Variants in SAMMSON observed in about 807,000 individuals in gnomAD.
The protein encoded by SAMMSON is survival associated mitochondrial melanoma specific oncogenic non-coding RNA, also known as long intergenic non-protein coding RNA 1212.
intron 7 of SAMMSON, among the ~76,000 whole-genome samples, chr3:70,332,468 A>G (rs1279521615): frequency 2.0e-5 from 3 of 152,150 alleles, no homozygotes; most frequent in Non-Finnish European, 4.4e-5. Context: ...TCCAAGTGTC[A>G]TCTCAGAACC....
At chr3:70,031,851 C>T (rs967014245) in intron 3 of SAMMSON, among the ~76,000 whole-genome samples, 69 of 152,178 alleles carry the variant, frequency 4.5e-4, no homozygotes, top group African/African-American at 1.5e-3. Flanking sequence ...AGAATAAATA[C>T]AGCCATCAGC....
chr3:70,203,559 T>A (rs1701261300), intron 4 of SAMMSON, among the ~76,000 whole-genome samples: 1 of 152,080 alleles, frequency 6.6e-6, no homozygotes, highest in Admixed American at 6.5e-5. Flanking sequence ...AATTTGGGCT[T>A]ATGTTTTTTT....
chr3:70,379,397 T>G (rs1703046019), intron 9 of SAMMSON, among the ~76,000 whole-genome samples: 1 of 152,188 alleles, frequency 6.6e-6, no homozygotes. Context: ...TGGAGTTTAG[T>G]GTGCAGAATG....
At chr3:70,203,845 T>G (rs1243451266) in intron 4 of SAMMSON, among the ~76,000 whole-genome samples, 1 of 152,260 alleles carries the variant, frequency 6.6e-6, no homozygotes, top group East Asian at 1.9e-4. Flanking sequence ...TATTTCTGAC[T>G]TTCTTATCCA....
intron 6 of SAMMSON, among the ~76,000 whole-genome samples, chr3:70,283,224 A>C (rs1335326526): frequency 2.0e-5 from 3 of 152,138 alleles, no homozygotes; most frequent in Non-Finnish European, 4.4e-5. Flanking sequence ...GAATGAAGAC[A>C]CTGAAATAGA....
intron 2 of SAMMSON, among the ~76,000 whole-genome samples, chr3:70,426,276 A>G (rs530190275): frequency 6.6e-6 from 1 of 152,348 alleles, no homozygotes; most frequent in East Asian, 1.9e-4. Context: ...GACAGCTTGA[A>G]TGAAGTTCCT....
In SAMMSON at chr3:70,108,423, C is replaced by CTTTTTTTTTTTTTTTTTTTTTT. The variant is rs61561713; in HGVS notation, n.507+36876_507+36877insTTTTTTTTTTTTTTTTTTTTTT. 4.3e-3 allele frequency among the ~76,000 whole-genome samples: 385 copies of CTTTTTTTTTTTTTTTTTTTTTT among 89,256 alleles called. 64 individuals carry two copies. Among genetic ancestry groups the CTTTTTTTTTTTTTTTTTTTTTT allele is most frequent in the Middle Eastern group, 0.016 (2 of 126 alleles). 58.6% of individuals were successfully genotyped at this position (89,256 alleles called of 152,430 possible). ...TAGTGTTTCTCAACTCTTGCGGTTC[C>CTTTTTTTTTTTTTTTTTTTTTT]TTTTTTTTTTTTTTTTTTATCATAA... On this transcript the variant is annotated intron_variant and non_coding_transcript_variant, in intron 4 of 9. Transcript: ENST00000642114.
At chr3:70,414,064 T>G (rs1701243394) in intron 2 of SAMMSON, among the ~76,000 whole-genome samples, 1 of 152,116 alleles carries the variant, frequency 6.6e-6, no homozygotes, top group African/African-American at 2.4e-5. Context: ...TAATTATTGA[T>G]ACCTGTCCTA....
rs557837302 is a variant in SAMMSON at position 70,300,464 on chromosome 3, CAGAT to C, written n.739+9225_739+9228del. Among the ~76,000 whole-genome samples the C allele has an allele frequency of 1.4e-3, 210 of 151,998 alleles. 1 individual carries two copies. The highest frequency in any genetic ancestry group is 4.9e-3 in the African/African-American group (203 of 41,478). On this transcript the variant is annotated intron_variant and non_coding_transcript_variant, in intron 7 of 9. Coordinates refer to ENST00000642114, the Ensembl canonical transcript of SAMMSON. Reference sequence around the variant, plus strand: ...AAATATAGTTAGAAGGGCATAGAGACAGATAGAGTTAGATATGTGTATTTTTCCA... The same window carrying C: ...AAATATAGTTAGAAGGGCATAGAGACAGAGTTAGATATGTGTATTTTTCCA...
At chr3:70,417,653 G>C (rs1026604421) in intron 2 of SAMMSON, among the ~76,000 whole-genome samples, 60 of 152,114 alleles carry the variant, frequency 3.9e-4, no homozygotes, top group African/African-American at 1.3e-3. Context: ...CTTTCTCTGA[G>C]TTAGCTTCCT....
chr3:70,405,293 A>G (rs1575642573), intron 2 of SAMMSON, among the ~76,000 whole-genome samples: 1 of 152,234 alleles, frequency 6.6e-6, no homozygotes, highest in South Asian at 2.1e-4. Context: ...AAAAAATAAA[A>G]TAAAATAAAT....
chr3:70,270,031 A>C (rs1701958886), intron 6 of SAMMSON, among the ~76,000 whole-genome samples: 2 of 152,212 alleles, frequency 1.3e-5, no homozygotes, highest in African/African-American at 4.8e-5. Flanking sequence ...GTGATAAATA[A>C]ATCCATGAGT....
In SAMMSON at chr3:70,079,673, A is replaced by G. The variant is rs191884014; in HGVS notation, n.507+8108A>G. On this transcript the variant is annotated intron_variant and non_coding_transcript_variant, in intron 4 of 9. Coordinates refer to ENST00000642114, the Ensembl canonical transcript of SAMMSON. ...CACTTAAGGTGGATTAGGATAGGCT[A>G]TGATGTTTGGTAGGTTAGGCATATT... 3.6e-4 allele frequency among the ~76,000 whole-genome samples: 55 copies of G among 152,282 alleles called. 1 individual carries two copies. The highest frequency in any genetic ancestry group is 1.3e-3 in the African/African-American group (52 of 41,570).
intron 9 of SAMMSON, among the ~76,000 whole-genome samples, chr3:70,388,394 C>A (rs949104282): frequency 6.6e-6 from 1 of 151,934 alleles, no homozygotes; most frequent in African/African-American, 2.4e-5. Context: ...GTTTTCCAAC[C>A]CTTCTCTAAA....
chr3:70,201,666 G>GT (rs1701240676), intron 4 of SAMMSON, among the ~76,000 whole-genome samples: 1 of 152,146 alleles, frequency 6.6e-6, no homozygotes, highest in Non-Finnish European at 1.5e-5. Flanking sequence ...CTCCTCCACA[G>GT]TTTTTAACTA....
At chr3:70,306,036 T>A (rs1037656825) in intron 7 of SAMMSON, among the ~76,000 whole-genome samples, 6 of 152,142 alleles carry the variant, frequency 3.9e-5, no homozygotes, top group African/African-American at 1.4e-4. Context: ...ATGATGTAAC[T>A]TTTCTATGTC....
intron 4 of SAMMSON, among the ~76,000 whole-genome samples, chr3:70,157,993 C>G (rs926804479): frequency 6.6e-6 from 1 of 152,002 alleles, no homozygotes; most frequent in African/African-American, 2.4e-5. Context: ...TTTTATAGAA[C>G]TTTCAGTTTA....
chr3:70,128,819 A>G lies in SAMMSON; in HGVS notation n.507+57254A>G, dbSNP rs1576129469. Among the ~76,000 whole-genome samples the G allele has an allele frequency of 5.3e-5, 8 of 152,312 alleles. No homozygotes were observed. In the South Asian group the frequency reaches 1.7e-3, roughly 32 times the overall value. On this transcript the variant is annotated intron_variant and non_coding_transcript_variant, in intron 4 of 9. Coordinates refer to ENST00000642114, the Ensembl canonical transcript of SAMMSON. ...AAATTAACATTGTGGTTTATTACTA[A>G]TGATGTCTATTAATAACCCTCAGTA... is the stretch of plus-strand genomic sequence containing the variant.
chr3:70,105,596 T>A (rs2067364177), intron 4 of SAMMSON, among the ~76,000 whole-genome samples: 1 of 152,180 alleles, frequency 6.6e-6, no homozygotes, highest in Non-Finnish European at 1.5e-5. Flanking sequence ...GCACAAAACT[T>A]CCTTATGCAT....
Sources: allele counts gnomAD v4.1 joint callset (sites outside exome capture counted in the v4.1 genomes callset), GRCh38; gene constraint gnomAD v4.1.1; transcripts MANE v1.5; gene names NCBI Gene and HGNC (gene_info 2026-07-23, HGNC 2026-07-21).